Variants in EYS observed in about 807,000 individuals in gnomAD.
The protein encoded by EYS is protein eyes shut homolog.
Under a neutral mutation model 282.1 loss-of-function variants are expected in EYS, and 250 were observed. The ratio of observed to expected loss-of-function variants is 0.89; its 90% CI spans 0.80 to 0.98. The LOEUF is 0.98. Among genes scored for constraint, EYS ranks in the 50% least tolerant of loss-of-function variants. EYS has a pLI of 0.00. For synonymous variants in EYS, 1,355 were observed against 1,282.9 expected (o/e 1.06, Z -1.20); for missense variants, 4,016 against 3,709.0 (o/e 1.08, Z -2.15).
chr6:65,039,000 T>C (rs760384181), intron 13 of EYS, among the ~76,000 whole-genome samples: 2 of 151,642 alleles, frequency 1.3e-5, no homozygotes, highest in South Asian at 2.1e-4. Flanking sequence ...AATAGTATCA[T>C]TGGTGAGCAA....
intron 22 of EYS, among the ~76,000 whole-genome samples, chr6:64,668,250 T>G (rs1405667646): frequency 6.6e-6 from 1 of 152,156 alleles, no homozygotes; most frequent in Non-Finnish European, 1.5e-5. Context: ...TGTTTAATGA[T>G]CAAAATAAAA....
At chr6:64,307,679 T>C (rs935428376) in intron 29 of EYS, among the ~76,000 whole-genome samples, 2 of 152,072 alleles carry the variant, frequency 1.3e-5, no homozygotes, top group African/African-American at 4.8e-5. Context: ...TGCATTGTAT[T>C]TGGGACTTTT....
chr6:64,729,773 T>C (rs1038352382), intron 22 of EYS, among the ~76,000 whole-genome samples: 2 of 152,188 alleles, frequency 1.3e-5, no homozygotes, highest in Non-Finnish European at 2.9e-5. Context: ...CACAATGTTA[T>C]TATGGATACA....
intron 33 of EYS, among the ~76,000 whole-genome samples, chr6:64,051,498 A>G (rs1260733199): frequency 6.6e-6 from 1 of 152,100 alleles, no homozygotes; most frequent in Non-Finnish European, 1.5e-5. Flanking sequence ...TGGAATAGCA[A>G]TTTCCCATTA....
intron 2 of EYS, among the ~76,000 whole-genome samples, chr6:65,543,706 A>C (rs1303045360): frequency 6.6e-6 from 1 of 152,118 alleles, no homozygotes; most frequent in African/African-American, 2.4e-5. Flanking sequence ...CAATTGCTTA[A>C]AATTCAGATT....
At chr6:65,598,564 A>G (rs1438755873) in intron 2 of EYS, among the ~76,000 whole-genome samples, 2 of 152,238 alleles carry the variant, frequency 1.3e-5, no homozygotes, top group African/African-American at 2.4e-5. Flanking sequence ...CATAATTCAT[A>G]TATACCTTTT....
At chr6:65,270,464 A>G (rs1582084975) in intron 12 of EYS, among the ~76,000 whole-genome samples, 1 of 152,152 alleles carries the variant, frequency 6.6e-6, no homozygotes, top group Non-Finnish European at 1.5e-5. Context: ...TGTTGAAAGC[A>G]ACGTGAAGTC....
intron 41 of EYS, among the ~76,000 whole-genome samples, chr6:63,743,656 C>A (rs1769139063): frequency 6.6e-6 from 1 of 152,152 alleles, no homozygotes; most frequent in Non-Finnish European, 1.5e-5. Flanking sequence ...CACCGTTTGT[C>A]TCCAAAACTA....
At chr6:63,921,000 C>T (rs1213277037) in intron 35 of EYS, among the ~76,000 whole-genome samples, 1 of 152,118 alleles carries the variant, frequency 6.6e-6, no homozygotes, top group Non-Finnish European at 1.5e-5. Context: ...TCACGCCATT[C>T]TCCTGCCTCA....
chr6:65,141,139 A>G (rs55718324), intron 12 of EYS, among the ~76,000 whole-genome samples: 35,872 of 151,588 alleles, frequency 0.24, 4,423 homozygotes, highest in African/African-American at 0.28. Context: ...TGGCACATAT[A>G]CACCATGGAA....
intron 19 of EYS, among the ~76,000 whole-genome samples, chr6:64,882,749 T>C (rs952479253): frequency 6.6e-6 from 1 of 151,732 alleles, no homozygotes; most frequent in Non-Finnish European, 1.5e-5. Context: ...ATTATCTTTA[T>C]ATTCTATTTT....
chr6:65,111,783 G>T (rs1266242044), intron 12 of EYS, among the ~76,000 whole-genome samples: 2 of 152,264 alleles, frequency 1.3e-5, no homozygotes, highest in South Asian at 2.1e-4. Context: ...GGAGGTGGAG[G>T]TTACAGTGAT....
At chr6:64,166,861 T>A (rs1351643346) in intron 31 of EYS, among the ~76,000 whole-genome samples, 2 of 152,216 alleles carry the variant, frequency 1.3e-5, no homozygotes, top group Non-Finnish European at 2.9e-5. Flanking sequence ...CTCATAGTTG[T>A]ACAATATTAT....
intron 12 of EYS, among the ~76,000 whole-genome samples, chr6:65,156,691 TC>T (rs1764737563): frequency 6.6e-6 from 1 of 151,102 alleles, no homozygotes; most frequent in South Asian, 2.1e-4. Flanking sequence ...CTCATAATTA[TC>T]CAGACCATTT....
chr6:64,457,734 G>A (rs1174320381), intron 26 of EYS, among the ~76,000 whole-genome samples: 1 of 151,636 alleles, frequency 6.6e-6, no homozygotes, highest in African/African-American at 2.4e-5. Context: ...TTTTCAATTT[G>A]TGGGTCCTTA....
rs747666847 is a variant in EYS, at chr6:63,984,471, C to T, written c.6967G>A (p.Asp2323Asn). The T allele has an allele frequency of 2.5e-5, 38 of 1,549,584 alleles. No individual in the cohort carries two copies. Among genetic ancestry groups the T allele is most frequent in the Non-Finnish European group, 3.0e-5 (34 of 1,145,534 alleles). The change falls in exon 35 of 43, where the codon GAT (aspartate) becomes AAT (asparagine). Residue 2323 changes from aspartate (D) to asparagine (N), a missense_variant. By Grantham distance (23) the Asp-to-Asn change is conservative. Coordinates refer to ENST00000503581, the MANE Select transcript of EYS (RefSeq NM_001142800.2). ...QVNNKEFFII[D>N]EARHGKNIEN... ...ATATTCTTTCCATGTCGTGCTTCAT[C>T]GATGATGAAGAATTCTTTGTTGTTT...
At chr6:64,519,815 G>A (rs1777675108) in intron 26 of EYS, among the ~76,000 whole-genome samples, 1 of 151,774 alleles carries the variant, frequency 6.6e-6, no homozygotes, top group Non-Finnish European at 1.5e-5. Context: ...AACCAAACTG[G>A]GGAGGAAGGG....
Position 65,515,444 on chromosome 6 carries a change from T to G in EYS, c.-332-19451A>C, listed in dbSNP as rs1292236271. Among the ~76,000 whole-genome samples, 28 of 151,892 alleles carry G rather than the reference T, an allele frequency of 1.8e-4. 1 individual carries two copies. Among genetic ancestry groups the G allele is most frequent in the Admixed American group, 1.8e-3 (28 of 15,236 alleles). ...GACCCAGCCATCCCATTACTGGGTA[T>G]ATACCCAAAGGACTATAAATCATGC... is the stretch of plus-strand genomic sequence containing the variant. On this transcript the variant is annotated intron_variant, in intron 2 of 42. Coordinates refer to ENST00000503581, the MANE Select transcript of EYS (RefSeq NM_001142800.2).
At chr6:64,948,896 A>G (rs1452720753) in intron 14 of EYS, among the ~76,000 whole-genome samples, 1 of 151,854 alleles carries the variant, frequency 6.6e-6, no homozygotes, top group African/African-American at 2.4e-5. Context: ...CAGGTCTACA[A>G]TATTGAACTC....
Sources: allele counts gnomAD v4.1 joint callset (sites outside exome capture counted in the v4.1 genomes callset), GRCh38; gene constraint gnomAD v4.1.1; transcripts MANE v1.5; gene names NCBI Gene and HGNC (gene_info 2026-07-23, HGNC 2026-07-21).